The following ADAMTSL1 variants were observed in gnomAD, a reference collection of about 807,000 sequenced individuals.
ADAMTSL1 encodes ADAMTS like 1.
Under a neutral mutation model 201.8 loss-of-function variants are expected in ADAMTSL1, and 126 were observed. The observed-to-expected ratio is 0.62, with a 90% CI of 0.54 to 0.72. The LOEUF is 0.72. Ranked by LOEUF, ADAMTSL1 falls within the 30% of genes least tolerant of loss-of-function variation. The pLI is 0.00. For missense variants in ADAMTSL1, 2,679 were observed against 2,277.8 expected (o/e 1.18, Z -3.59); for synonymous variants, 1,121 against 903.4 (o/e 1.24, Z -4.32).
chr9:18,443,508 T>C (rs191399436), intron 2 of ADAMTSL1, among the ~76,000 whole-genome samples: 1 of 152,332 alleles, frequency 6.6e-6, no homozygotes, highest in East Asian at 1.9e-4. Flanking sequence ...TTTTGCTCTT[T>C]AGTAAGCCAT....
intron 1 of ADAMTSL1, among the ~76,000 whole-genome samples, chr9:17,977,742 G>A (rs1042838259): frequency 6.6e-6 from 1 of 151,978 alleles, no homozygotes; most frequent in African/African-American, 2.4e-5. Flanking sequence ...AGAAGGTTTT[G>A]TGTGTTCTTG....
In ADAMTSL1 at chr9:18,886,164, GTGTATATATATATATATATATATATA is replaced by G. The variant is rs1192226616; in HGVS notation, c.4250-1665_4250-1640del. Among the ~76,000 whole-genome samples the G allele has an allele frequency of 8.0e-4, 50 of 62,230 alleles. 3 individuals are homozygous for G. Among genetic ancestry groups the G allele is most frequent in the East Asian group, 3.4e-3 (7 of 2,058 alleles). The allele number at this position is 62,230 out of a possible 152,430, so 40.8% of individuals were successfully genotyped here. A position where few individuals can be genotyped will look rare whatever the true frequency, so the allele number is the denominator to read the frequency against. On this transcript the variant is annotated intron_variant, in intron 23 of 28. Coordinates refer to ENST00000380548, the MANE Select transcript of ADAMTSL1 (RefSeq NM_001040272.6). ...TGTATATATACATGTGAGTGTGTAT[GTGTATATATATATATATATATATATA>G]TATATATATATATATATATATACAC...
At chr9:18,683,471 A>G (rs1233132085) in intron 12 of ADAMTSL1, among the ~76,000 whole-genome samples, 1 of 151,680 alleles carries the variant, frequency 6.6e-6, no homozygotes, top group Non-Finnish European at 1.5e-5. Flanking sequence ...GAGCTCAGGT[A>G]ATCGCCTCGG....
At chr9:18,213,372 G>GAACAA (rs1026883185) in intron 2 of ADAMTSL1, among the ~76,000 whole-genome samples, 75 of 152,256 alleles carry the variant, frequency 4.9e-4, no homozygotes, top group African/African-American at 1.7e-3. Context: ...ATCCTTCGGA[G>GAACAA]AACAAAACAC....
At chr9:18,368,333 G>A (rs1374920978) in intron 2 of ADAMTSL1, among the ~76,000 whole-genome samples, 2 of 152,208 alleles carry the variant, frequency 1.3e-5, no homozygotes, top group Admixed American at 6.5e-5. Context: ...ACACACTGCT[G>A]TACCAGAGTG....
intron 2 of ADAMTSL1, among the ~76,000 whole-genome samples, chr9:18,320,109 A>AT (rs1834561145): frequency 6.6e-6 from 1 of 151,954 alleles, no homozygotes; most frequent in Non-Finnish European, 1.5e-5. Context: ...CAAGGGACTG[A>AT]TTTTTGCCAA....
At chr9:17,975,072 TGG>T (rs1563928323) in intron 1 of ADAMTSL1, among the ~76,000 whole-genome samples, 3 of 151,952 alleles carry the variant, frequency 2.0e-5, no homozygotes, top group Non-Finnish European at 4.4e-5. Flanking sequence ...AGATGCAAAG[TGG>T]TATTTTATTA....
chr9:18,301,690 G>T (rs528620910), intron 2 of ADAMTSL1, among the ~76,000 whole-genome samples: 1 of 152,092 alleles, frequency 6.6e-6, no homozygotes, highest in Non-Finnish European at 1.5e-5. Context: ...GTTAAACCAT[G>T]GATAAGGAGG....
intron 14 of ADAMTSL1, among the ~76,000 whole-genome samples, chr9:18,717,114 T>C (rs1383005075): frequency 6.7e-6 from 1 of 148,886 alleles, no homozygotes; most frequent in African/African-American, 2.5e-5. Flanking sequence ...AGGGATAGCA[T>C]TGGGAGATAT....
At chr9:18,315,805 T>A (rs1178183064) in intron 2 of ADAMTSL1, among the ~76,000 whole-genome samples, 1 of 152,180 alleles carries the variant, frequency 6.6e-6, no homozygotes, top group African/African-American at 2.4e-5. Flanking sequence ...GCAGTGCTCC[T>A]CAAGCACAGC....
intron 4 of ADAMTSL1, among the ~76,000 whole-genome samples, chr9:18,586,392 T>A (rs1192179286): frequency 1.3e-5 from 2 of 151,700 alleles, no homozygotes; most frequent in Non-Finnish European, 2.9e-5. Flanking sequence ...ATTAGAGAGG[T>A]GAGAACTTTC....
Position 18,777,604 on chromosome 9 carries a change from C to T in ADAMTSL1, c.3375C>T (p.Arg1125=), listed in dbSNP as rs1450999661. Residue 1125 remains arginine (R), a synonymous_variant, in exon 19 of 29, where the codon CGC becomes CGT. Transcript: ENST00000380548. ...ACACGCTCCTGAAGCCCTCGGAGCG[C>T]AGGACTTCCCCAGTGACTCTCTCGC... is the stretch of plus-strand genomic sequence containing the variant. ...HQDTLLKPSE[R]RTSPVTLSPH... is the part of the protein sequence containing the mutation. The T allele has an allele frequency of 6.2e-7, 1 of 1,613,192 alleles. No individual in the cohort carries two copies. Among genetic ancestry groups the T allele is most frequent in the Non-Finnish European group, 8.5e-7 (1 of 1,179,712 alleles).
intron 23 of ADAMTSL1, among the ~76,000 whole-genome samples, chr9:18,866,042 G>A (rs2131439196): frequency 6.8e-6 from 1 of 146,298 alleles, no homozygotes; most frequent in African/African-American, 2.6e-5. Context: ...TCAAAGGTGT[G>A]GAATACATTA....
chr9:18,139,356 G>C (rs1461655351), intron 1 of ADAMTSL1, among the ~76,000 whole-genome samples: 1 of 152,132 alleles, frequency 6.6e-6, no homozygotes, highest in Non-Finnish European at 1.5e-5. Context: ...TAGAACCGAT[G>C]ACATTACTTG....
chr9:18,011,489 G>A (rs1287687723), intron 1 of ADAMTSL1, among the ~76,000 whole-genome samples: 1 of 152,082 alleles, frequency 6.6e-6, no homozygotes, highest in East Asian at 2.0e-4. Context: ...AACCGCCCCA[G>A]CACTGATGCT....
chr9:18,462,946 TAAAAATAAAAATA>T (rs903243826), intron 2 of ADAMTSL1, among the ~76,000 whole-genome samples: 1 of 149,080 alleles, frequency 6.7e-6, no homozygotes, highest in Non-Finnish European at 1.5e-5. Context: ...CTCAAAAAAA[TAAAAATAAAAATA>T]AAAAATAAAA....
chr9:17,983,048 TCTTTTTCTTTTCTTTCTTTCTTTCTTTC>T (rs1818777283), intron 1 of ADAMTSL1, among the ~76,000 whole-genome samples: 1 of 147,718 alleles, frequency 6.8e-6, no homozygotes, highest in African/African-American at 2.5e-5. Flanking sequence ...TTTTTCATTT[TCTTTTTCTTTTCTTTCTTTCTTTCTTTC>T]TTTTTTTTTT....
chr9:18,201,963 A>G (rs1324940853), intron 2 of ADAMTSL1, among the ~76,000 whole-genome samples: 2 of 152,196 alleles, frequency 1.3e-5, no homozygotes, highest in South Asian at 4.1e-4. Context: ...CTCAAATATC[A>G]TGCATTAAAT....
intron 1 of ADAMTSL1, among the ~76,000 whole-genome samples, chr9:17,974,769 A>G (rs1818372979): frequency 6.6e-6 from 1 of 152,042 alleles, no homozygotes; most frequent in Non-Finnish European, 1.5e-5. Context: ...TATTTTACTA[A>G]TGCACTCGTC....
Sources: allele counts gnomAD v4.1 joint callset (sites outside exome capture counted in the v4.1 genomes callset), GRCh38; gene constraint gnomAD v4.1.1; transcripts MANE v1.5; gene names NCBI Gene and HGNC (gene_info 2026-07-23, HGNC 2026-07-21).